SRBD1: variants seen among roughly 807,000 people sequenced by gnomAD.
SRBD1 encodes the protein S1 RNA-binding domain-containing protein 1.
In SRBD1, 88 loss-of-function variants were observed where a neutral mutation model predicts 115.3. The ratio of observed to expected loss-of-function variants is 0.76; its 90% CI spans 0.64 to 0.91. SRBD1 has a LOEUF of 0.91. Among genes scored for constraint, SRBD1 ranks in the 40% least tolerant of loss-of-function variants. The pLI is 0.00. For missense variants in SRBD1, 1,385 were observed against 1,177.4 expected, an observed-to-expected ratio of 1.18 and a Z score of -2.58; for synonymous variants, 509 against 407.7, an observed-to-expected ratio of 1.25 and a Z score of -2.99.
At chr2:45,588,620 C>T (rs7599607) in intron 4 of SRBD1, among the ~76,000 whole-genome samples, 8,272 of 152,010 alleles carry the variant, frequency 0.054, 323 homozygotes, top group Non-Finnish European at 0.081. Context: ...GACCCTAACT[C>T]CAGCTCTACA....
At chr2:45,576,431 CG>C (rs540557305) in intron 7 of SRBD1, among the ~76,000 whole-genome samples, 48 of 141,782 alleles carry the variant, frequency 3.4e-4, no homozygotes, top group East Asian at 4.1e-4. Flanking sequence ...AAGAGGGAGT[CG>C]GGGGGGGTGG....
chr2:45,609,630 C>T (rs1171401362), intron 1 of SRBD1, among the ~76,000 whole-genome samples: 2 of 152,182 alleles, frequency 1.3e-5, no homozygotes, highest in African/African-American at 4.8e-5. Context: ...TGGAGCTCCT[C>T]AGCTCTTGTC....
At chr2:45,460,554 C>T (rs926266621) in intron 16 of SRBD1, among the ~76,000 whole-genome samples, 1 of 152,080 alleles carries the variant, frequency 6.6e-6, no homozygotes, top group African/African-American at 2.4e-5. Flanking sequence ...TCTCTATTAT[C>T]TATGTTTTAA....
At chr2:45,555,204 A>G (rs1360202554) in intron 10 of SRBD1, among the ~76,000 whole-genome samples, 1 of 152,146 alleles carries the variant, frequency 6.6e-6, no homozygotes, top group African/African-American at 2.4e-5. Flanking sequence ...TGGGCAACAT[A>G]GCCAGACCTT....
At chr2:45,475,598 C>G (rs952539687) in intron 16 of SRBD1, among the ~76,000 whole-genome samples, 5 of 152,190 alleles carry the variant, frequency 3.3e-5, no homozygotes, top group African/African-American at 2.4e-5. Context: ...AATTTGGAAT[C>G]TTCTCTTTAT....
In SRBD1 at chr2:45,562,705, T is replaced by A; in HGVS notation, c.1357A>T (p.Asn453Tyr). 6.2e-7 allele frequency: 1 copy of A among 1,612,878 alleles called. No homozygotes were observed. The highest frequency in any genetic ancestry group is 1.3e-5 in the African/African-American group (1 of 74,968). ...TCATCCTTCACTCCATCAGAAATAT[T>A]GACCTTAACCGTCAGTACCTTCAAA... ...ENLKVLTVKV[N>Y]ISDGVKDEFC... Residue 453 changes from asparagine to tyrosine, a missense_variant, in exon 10 of 21, where the codon AAT becomes TAT. Physicochemically the swap from Asn to Tyr is moderately radical, Grantham distance 143. Coordinates refer to ENST00000263736, the MANE Select transcript of SRBD1 (RefSeq NM_018079.5).
chr2:45,532,902 T>C (rs1046456387), intron 14 of SRBD1, among the ~76,000 whole-genome samples: 1 of 152,076 alleles, frequency 6.6e-6, no homozygotes, highest in Non-Finnish European at 1.5e-5. Context: ...CCAAGTTCTA[T>C]ATAACCAAAA....
intron 16 of SRBD1, among the ~76,000 whole-genome samples, chr2:45,449,285 A>T (rs1377887022): frequency 6.6e-6 from 1 of 152,202 alleles, no homozygotes; most frequent in Non-Finnish European, 1.5e-5. Flanking sequence ...CTGCACACTG[A>T]AACAGTTAAA....
intron 18 of SRBD1, among the ~76,000 whole-genome samples, chr2:45,417,221 C>G (rs1283345239): frequency 6.6e-6 from 1 of 152,078 alleles, no homozygotes; most frequent in Non-Finnish European, 1.5e-5. Flanking sequence ...CAGTTTTTTA[C>G]TTTTTTTGAC....
At chr2:45,544,461 T>C (rs934440184) in intron 14 of SRBD1, among the ~76,000 whole-genome samples, 5 of 152,150 alleles carry the variant, frequency 3.3e-5, no homozygotes, top group East Asian at 3.8e-4. Flanking sequence ...TCAGAGGCAG[T>C]AGGTGGCAGG....
At chr2:45,460,411 A>G (rs1339021708) in intron 16 of SRBD1, among the ~76,000 whole-genome samples, 1 of 152,204 alleles carries the variant, frequency 6.6e-6, no homozygotes, top group Non-Finnish European at 1.5e-5. Flanking sequence ...GAACTAGGGA[A>G]CAAACCACCT....
At position 45,573,336 on chromosome 2, in the gene SRBD1, C is replaced by T. The variant is rs1261688948; in HGVS notation, c.1176G>A (p.Gln392=). 1.9e-6 allele frequency: 3 copies of T among 1,608,304 alleles called. No individual in the cohort carries two copies. The African/African-American group carries it at 4.0e-5, about 22-fold the overall frequency. ...ATGACTGGATACAAACATGTCTCTT[C>T]TGGCACCTGTTCAGATACACAAGTG... is the stretch of plus-strand genomic sequence containing the variant. ...DTLDFIRNLC[Q]KRHVCIQSSL... The change falls in exon 9 of 21, where the codon CAG becomes CAA. Residue 392 remains glutamine, a synonymous_variant. Coordinates refer to ENST00000263736, the MANE Select transcript of SRBD1 (RefSeq NM_018079.5).
At chr2:45,412,915 C>A (rs749864572) in intron 19 of SRBD1, among the ~76,000 whole-genome samples, 199 bp downstream of exon 19, 4 of 152,166 alleles carry the variant, frequency 2.6e-5, no homozygotes, top group Admixed American at 6.5e-5. Context: ...ATTAGCTTGA[C>A]AATGCTCCAG....
Position 45,546,733 on chromosome 2 carries a change from A to G in SRBD1, c.1873T>C (p.Cys625Arg), listed in dbSNP as rs1456029810. 4 of 1,613,886 alleles carry G rather than the reference A, an allele frequency of 2.5e-6. No individual in the cohort carries two copies. The South Asian group carries it at 4.4e-5, about 18-fold the overall frequency. The change falls in exon 14 of 21, where the codon TGT becomes CGT. Residue 625 changes from cysteine (C) to arginine (R), a missense_variant and splice_region_variant. Coordinates refer to ENST00000263736, the MANE Select transcript of SRBD1 (RefSeq NM_018079.5). ...NYFAPLDVVY[C>R]IVSEAGASIY... The stretch of plus-strand genomic sequence containing the variant: ...AAGAGATATATGTAATAGCCTTACC[A>G]GTAAACAACATCCAGTGGTGCAAAA...
intron 19 of SRBD1, among the ~76,000 whole-genome samples, chr2:45,394,225 G>T (rs1284766250): frequency 6.6e-6 from 1 of 151,978 alleles, no homozygotes; most frequent in Non-Finnish European, 1.5e-5. Flanking sequence ...CATTACCTTT[G>T]ATTGCAAAGC....
chr2:45,524,753 C>A (rs940586057), intron 14 of SRBD1, among the ~76,000 whole-genome samples: 3 of 151,984 alleles, frequency 2.0e-5, no homozygotes, highest in African/African-American at 7.2e-5. Context: ...CAAAGGCCAT[C>A]AGATTTCCAG....
At chr2:45,533,588 C>A (rs1475334907) in intron 14 of SRBD1, among the ~76,000 whole-genome samples, 1 of 151,984 alleles carries the variant, frequency 6.6e-6, no homozygotes, top group Non-Finnish European at 1.5e-5. Flanking sequence ...GTGAATTCCA[C>A]TCTATTTTCA....
At chr2:45,507,004 G>T (rs990505043) in intron 14 of SRBD1, among the ~76,000 whole-genome samples, 4 of 151,992 alleles carry the variant, frequency 2.6e-5, no homozygotes, top group Admixed American at 2.6e-4. Flanking sequence ...TGAAATAGAG[G>T]GTTTTGTTTT....
At chr2:45,462,473 A>G (rs898524241) in intron 16 of SRBD1, among the ~76,000 whole-genome samples, 1 of 152,168 alleles carries the variant, frequency 6.6e-6, no homozygotes, top group East Asian at 1.9e-4. Context: ...TATGTCAGAA[A>G]ATTATCCCTT....
Sources: allele counts gnomAD v4.1 joint callset (sites outside exome capture counted in the v4.1 genomes callset), GRCh38; gene constraint gnomAD v4.1.1; transcripts MANE v1.5; gene names NCBI Gene and HGNC (gene_info 2026-07-23, HGNC 2026-07-21).